Variants in MYO15B observed in about 807,000 individuals in gnomAD.
The protein encoded by MYO15B is myosin XVB pseudogene.
A neutral mutation model predicts 119.3 loss-of-function variants in MYO15B; 207 were observed. That is an observed-to-expected ratio of 1.73 (90% CI 1.55 to 1.95). The LOEUF (loss-of-function observed/expected upper bound fraction) is 1.95. Ranked by LOEUF, MYO15B falls within the 30% of genes most tolerant of loss-of-function variation. The pLI is 0.00. For missense variants in MYO15B, 2,264 were observed against 1,203.1 expected, an observed-to-expected ratio of 1.88 and a Z score of -13.04; for synonymous variants, 966 against 498.9, an observed-to-expected ratio of 1.94 and a Z score of -12.48.
At position 75,613,687 on chromosome 17, in the gene MYO15B, C is replaced by G. The variant is rs958798033; in HGVS notation, c.5147-18C>G. ...CTGCTGTCCCTCACTCTTGCCCCCGCCCCCCATGCCCCTGCAGAGGAGTGC... is the reference window on the plus strand; with the variant it reads ...CTGCTGTCCCTCACTCTTGCCCCCGGCCCCCATGCCCCTGCAGAGGAGTGC... On this transcript the variant is annotated intron_variant, in intron 28 of 63. Coordinates refer to ENST00000645453, the Ensembl canonical transcript of MYO15B. The G allele has an allele frequency of 8.6e-6, 6 of 700,072 alleles. No homozygotes were observed. Among genetic ancestry groups the G allele is most frequent in the African/African-American group, 7.0e-5 (4 of 57,168 alleles). 43.4% of individuals were successfully genotyped at this position (700,072 alleles called of 1,614,324 possible). A position where few individuals can be genotyped will look rare whatever the true frequency, so the allele number is the denominator to read the frequency against.
exon 32 of MYO15B, chr17:75,614,777 G>A (rs546699490): frequency 1.6e-5 from 11 of 702,830 alleles, no homozygotes; most frequent in South Asian, 1.3e-4. Flanking sequence ...CCACAGGGGA[G>A]GTCCAGAGGT....
rs1056999278 is a variant in MYO15B at position 75,609,152 on chromosome 17, C to T, written c.4293-1014C>T. Among the ~76,000 whole-genome samples the T allele has an allele frequency of 2.0e-4, 31 of 151,904 alleles. 1 individual carries two copies. Among genetic ancestry groups the T allele is most frequent in the African/African-American group, 7.2e-4 (30 of 41,448 alleles). On this transcript the variant is annotated intron_variant, in intron 21 of 63. Transcript: ENST00000645453. ...AGGTACAGGGATTACAGGTGTCATA[C>T]GGGTATGAGCCATTGCACCCGACCA...
exon 1 of MYO15B, chr17:75,590,155 C>T (rs1371411096): frequency 5.0e-6 from 2 of 398,948 alleles, no homozygotes; most frequent in Non-Finnish European, 4.4e-6. Flanking sequence ...GAGCCTCCGG[C>T]CGGGCCTGGA....
At position 75,614,660 on chromosome 17, in the gene MYO15B, C is replaced by T. The variant is rs764911980; in HGVS notation, c.5459C>T (p.Thr1820Met). 148 of 701,210 alleles carry T rather than the reference C, an allele frequency of 2.1e-4. 1 individual carries two copies. Among genetic ancestry groups the T allele is most frequent in the South Asian group, 8.2e-4 (55 of 67,392 alleles). 43.4% of individuals were successfully genotyped at this position (701,210 alleles called of 1,614,324 possible). A position where few individuals can be genotyped will look rare whatever the true frequency, so the allele number is the denominator to read the frequency against. ...GGACCCCCTCCAGGTCCAGCCCCAA[C>T]GCTGCCCAGCAGGGACCACACAGGT... The change falls in exon 31 of 64, where the codon ACG (threonine) becomes ATG (methionine). Residue 1820 changes from threonine (T) to methionine (M), a missense_variant. By Grantham distance (81) the Thr-to-Met change is moderately conservative. Coordinates refer to ENST00000645453, the Ensembl canonical transcript of MYO15B.
Position 75,612,903 on chromosome 17 carries a change from A to G in MYO15B, c.4731+10A>G, listed in dbSNP as rs905390705. The G allele has an allele frequency of 8.6e-6, 6 of 700,568 alleles. No homozygotes were observed. The highest frequency in any genetic ancestry group is 5.2e-5 in the African/African-American group (3 of 57,214). The allele number at this position is 700,568 out of a possible 1,614,324, so 43.4% of individuals were successfully genotyped here. ...GGACATCAACAAAGTGGTGAGTGAC[A>G]CATTGGAGAAGGGACAGGATAGGCG... On this transcript the variant is annotated intron_variant, in intron 26 of 63. Coordinates refer to ENST00000645453, the Ensembl canonical transcript of MYO15B.
rs2148154098 is a variant in MYO15B, at chr17:75,624,245, A to AC, written c.8345dup (p.Glu2784Ter). 1 of 702,886 alleles carries AC rather than the reference A, an allele frequency of 1.4e-6. No homozygotes were observed. Among genetic ancestry groups the AC allele is most frequent in the East Asian group, 2.7e-5 (1 of 37,276 alleles). 43.5% of individuals were successfully genotyped at this position (702,886 alleles called of 1,614,324 possible). On this transcript the variant is annotated frameshift_variant, in exon 56 of 64. Transcript: ENST00000645453. LOFTEE classifies it high-confidence loss of function. ...ATGGGGGGCGCCGGCGGATGCCCCC[A>AC]CCGGGTGAAATGAAGGCTTTCCTGG...
intron 36 of MYO15B, 58 bp from the exon 37 acceptor site, chr17:75,616,011 G>T (rs1598879426): frequency 4.3e-5 from 25 of 586,904 alleles, no homozygotes; most frequent in South Asian, 1.4e-4. Flanking sequence ...GACCCGAGGG[G>T]TGTGGCGAGT....
intron 9 of MYO15B, among the ~76,000 whole-genome samples, chr17:75,593,372 C>T (rs1289610807): frequency 6.6e-6 from 1 of 151,842 alleles, no homozygotes; most frequent in Non-Finnish European, 1.5e-5. Flanking sequence ...CCAAGGCGAG[C>T]AGATCACTTG....
chr17:75,613,772 G>C, exon 29 of MYO15B: 1 of 702,070 alleles, frequency 1.4e-6, no homozygotes, highest in Non-Finnish European at 2.6e-6. Context: ...GGATCCTGCA[G>C]AGCAGGTATG....
intron 50 of MYO15B, 33 bp downstream of exon 50, chr17:75,621,209 T>G: frequency 4.5e-6 from 3 of 670,576 alleles, no homozygotes. Flanking sequence ...TGTGCCTGTC[T>G]GTCCTCAGTC....
At chr17:75,625,682 C>T (rs777776329) in intron 61 of MYO15B, 22 bp downstream of exon 61, 31 of 702,546 alleles carry the variant, frequency 4.4e-5, no homozygotes, top group Non-Finnish European at 7.0e-5. Context: ...ACTAGGGGAC[C>T]GCTGGGTGGG....
chr17:75,590,136 C>T (rs992906371), exon 1 of MYO15B: 9 of 398,950 alleles, frequency 2.3e-5, no homozygotes, highest in African/African-American at 1.9e-4. Context: ...TGGAGAGGGA[C>T]CTGGAGCTGA....
intron 14 of MYO15B, among the ~76,000 whole-genome samples, chr17:75,598,462 C>T (rs2057018836): frequency 7.0e-6 from 1 of 142,722 alleles, no homozygotes; most frequent in African/African-American, 2.6e-5. Flanking sequence ...CCTGTAGTCC[C>T]AGCTACTGGG....
chr17:75,591,404 GAGC>G lies in MYO15B; in HGVS notation c.2435+159_2435+161del, dbSNP rs2056439402. 4 of 619,332 alleles carry G rather than the reference GAGC, an allele frequency of 6.5e-6. No homozygotes were observed. In the South Asian group the frequency reaches 7.6e-5, roughly 12 times the overall value. The allele number at this position is 619,332 out of a possible 1,614,324, so 38.4% of individuals were successfully genotyped here. A position where few individuals can be genotyped will look rare whatever the true frequency, so the allele number is the denominator to read the frequency against. The stretch of plus-strand genomic sequence containing the variant: ...GAGCTCCTGGCTGAAATCATCACAT[GAGC>G]CCCTGGAATGTGGCATCTTGGGGAC... On this transcript the variant is annotated intron_variant, in intron 4 of 63. Coordinates refer to ENST00000645453, the Ensembl canonical transcript of MYO15B.
At chr17:75,626,615 G>A in exon 64 of MYO15B, 1 of 643,082 alleles carries the variant, frequency 1.6e-6, no homozygotes, top group Non-Finnish European at 2.8e-6. Flanking sequence ...CGGCCCACAT[G>A]CAGGCCATGA....
intron 47 of MYO15B, 34 bp downstream of exon 47, chr17:75,620,054 G>C (rs1226610618): frequency 1.5e-6 from 1 of 687,300 alleles, no homozygotes; most frequent in East Asian, 2.7e-5. Flanking sequence ...AGGCCGGGCA[G>C]ACAGCCCTCA....
intron 9 of MYO15B, among the ~76,000 whole-genome samples, 193 bp from the exon 10 acceptor site, chr17:75,594,282 A>C (rs1187439533): frequency 1.3e-5 from 2 of 152,142 alleles, no homozygotes; most frequent in Middle Eastern, 3.2e-3. Context: ...GTCCGCCAGC[A>C]AAGAGGGAAA....
chr17:75,596,581 C>T, intron 13 of MYO15B, 26 bp downstream of exon 13: 1 of 702,570 alleles, frequency 1.4e-6, no homozygotes. Flanking sequence ...GTGGACGTGG[C>T]AGGGGCCGCT....
chr17:75,606,787 A>G, intron 21 of MYO15B: 1 of 388,112 alleles, frequency 2.6e-6, no homozygotes, highest in Non-Finnish European at 4.5e-6. Context: ...TCATCTTTTC[A>G]AAGCATGAAT....
Sources: allele counts gnomAD v4.1 joint callset (sites outside exome capture counted in the v4.1 genomes callset), GRCh38; gene constraint gnomAD v4.1.1; transcripts MANE v1.5; gene names NCBI Gene and HGNC (gene_info 2026-07-23, HGNC 2026-07-21).